Variants in IL1RAPL1 observed in about 807,000 individuals in gnomAD.
IL1RAPL1 encodes the protein interleukin-1 receptor accessory protein-like 1.
In IL1RAPL1, 3 loss-of-function variants were observed where a neutral mutation model predicts 48.4. The observed-to-expected ratio is 0.06, with a 90% CI of 0.03 to 0.16. The LOEUF is 0.16. Ranked by LOEUF, IL1RAPL1 falls within the 10% of genes least tolerant of loss-of-function variation. The probability of loss-of-function intolerance (pLI) is 1.00; values close to 1 mark genes in which losing one functional copy is unlikely to be tolerated. For missense variants in IL1RAPL1, 349 were observed against 530.6 expected, an observed-to-expected ratio of 0.66 and a Z score of 3.36; for synonymous variants, 185 against 187.7, an observed-to-expected ratio of 0.99 and a Z score of 0.12.
At chrX:28,899,141 A>C (rs751564570) in intron 2 of IL1RAPL1, among the ~76,000 whole-genome samples, 1 of 111,327 alleles carries the variant, frequency 9.0e-6, no homozygotes, top group South Asian at 3.8e-4. Context: ...TGAACACAGG[A>C]GGAACTACCA....
At chrX:29,449,691 TA>T in intron 5 of IL1RAPL1, among the ~76,000 whole-genome samples, 1 of 103,576 alleles carries the variant, frequency 9.7e-6, no homozygotes, top group East Asian at 3.0e-4. Context: ...TGAAGATCAA[TA>T]AAGAATGCTT....
At chrX:29,680,570 G>A (rs1383182353) in intron 6 of IL1RAPL1, among the ~76,000 whole-genome samples, 2 of 110,975 alleles carry the variant, frequency 1.8e-5, no homozygotes, top group African/African-American at 6.6e-5. Flanking sequence ...TGGGGAGGCT[G>A]GTAATGGGGC....
At position 29,877,936 on chromosome X, in the gene IL1RAPL1, T is replaced by C. The variant is rs1017187560; in HGVS notation, c.779-39528T>C. Among the ~76,000 whole-genome samples, 3 of 112,147 alleles carry C rather than the reference T, an allele frequency of 2.7e-5. No homozygotes were observed. The Admixed American group carries it at 2.8e-4, about 11-fold the overall frequency. On this transcript the variant is annotated intron_variant, in intron 6 of 10. Coordinates refer to ENST00000378993, the MANE Select transcript of IL1RAPL1 (RefSeq NM_014271.4). ...ATGTCAGCTCCAAGAAGACAGACAT[T>C]TTTGTCAATTTTTAATCATCAATGT... is the stretch of plus-strand genomic sequence containing the variant.
intron 3 of IL1RAPL1, among the ~76,000 whole-genome samples, chrX:29,329,692 AG>A (rs1162252951): frequency 1.8e-5 from 2 of 109,928 alleles, no homozygotes; most frequent in African/African-American, 6.6e-5. Context: ...ACACGCCTGT[AG>A]ACCCAGATAC....
intron 8 of IL1RAPL1, among the ~76,000 whole-genome samples, chrX:29,927,656 T>C (rs1204145056): frequency 8.9e-6 from 1 of 111,882 alleles, no homozygotes. Flanking sequence ...CTCAACGACA[T>C]ATATATGGAT....
chrX:28,727,472 G>A (rs978203683), intron 1 of IL1RAPL1, among the ~76,000 whole-genome samples: 19 of 106,238 alleles, frequency 1.8e-4, no homozygotes, highest in East Asian at 1.2e-3. Context: ...CAATCATGTC[G>A]TCTGCAAAGA....
chrX:29,715,908 G>T (rs888272066), intron 6 of IL1RAPL1, among the ~76,000 whole-genome samples: 1 of 111,852 alleles, frequency 8.9e-6, no homozygotes, highest in Non-Finnish European at 1.9e-5. Flanking sequence ...CCACCATTTG[G>T]TTCAAGGGTA....
At chrX:29,675,414 C>T (rs955234379) in intron 6 of IL1RAPL1, among the ~76,000 whole-genome samples, 4 of 111,762 alleles carry the variant, frequency 3.6e-5, no homozygotes, top group Non-Finnish European at 7.5e-5. Flanking sequence ...CTAGTCCCCA[C>T]GCTGGACACT....
At chrX:28,610,020 C>T (rs1025200454) in intron 1 of IL1RAPL1, among the ~76,000 whole-genome samples, 4 of 111,431 alleles carry the variant, frequency 3.6e-5, no homozygotes, top group Non-Finnish European at 5.7e-5. Flanking sequence ...ACTGAATGAA[C>T]GGATCTTCAC....
Position 29,500,650 on chromosome X carries a change from G to A in IL1RAPL1, c.703+101342G>A, listed in dbSNP as rs774837752. Among the ~76,000 whole-genome samples the A allele has an allele frequency of 4.5e-5, 5 of 111,908 alleles. No homozygotes were observed. The South Asian group carries it at 1.8e-3, about 41-fold the overall frequency. On this transcript the variant is annotated intron_variant, in intron 5 of 10. Coordinates refer to ENST00000378993, the MANE Select transcript of IL1RAPL1 (RefSeq NM_014271.4). ...TATATAATATGTACACACAATACATGGCTGAATAATATTTCATTATATTAT... is the reference window on the plus strand; with the variant it reads ...TATATAATATGTACACACAATACATAGCTGAATAATATTTCATTATATTAT...
At chrX:28,625,549 C>T (rs1231104375) in intron 1 of IL1RAPL1, among the ~76,000 whole-genome samples, 5 of 111,925 alleles carry the variant, frequency 4.5e-5, no homozygotes, top group East Asian at 2.8e-4. Context: ...TGTTGTTCTT[C>T]GGAAGCAATC....
At chrX:29,690,255 A>T (rs2147110553) in intron 6 of IL1RAPL1, among the ~76,000 whole-genome samples, 1 of 112,109 alleles carries the variant, frequency 8.9e-6, no homozygotes, top group South Asian at 3.7e-4. Flanking sequence ...ACGATAGTAC[A>T]TTCTGACAAG....
intron 6 of IL1RAPL1, among the ~76,000 whole-genome samples, chrX:29,857,846 CAA>C (rs1931503328): frequency 9.0e-6 from 1 of 111,731 alleles, no homozygotes; most frequent in African/African-American, 3.3e-5. Context: ...TATGAAGAGG[CAA>C]AGAGTATGGG....
intron 5 of IL1RAPL1, among the ~76,000 whole-genome samples, chrX:29,528,295 A>G (rs188956552): frequency 8.9e-6 from 1 of 112,725 alleles, no homozygotes; most frequent in Non-Finnish European, 1.9e-5. Context: ...TATAGTACAT[A>G]TACACAATAA....
intron 6 of IL1RAPL1, among the ~76,000 whole-genome samples, chrX:29,807,867 A>G (rs767192896): frequency 9.0e-6 from 1 of 111,457 alleles, no homozygotes; most frequent in South Asian, 3.7e-4. Flanking sequence ...ATAAATAATA[A>G]GAACACATAA....
intron 2 of IL1RAPL1, among the ~76,000 whole-genome samples, chrX:29,125,198 G>A (rs770822573): frequency 1.3e-4 from 14 of 111,891 alleles, no homozygotes; most frequent in Non-Finnish European, 1.9e-4. Context: ...GGTCCTCTGC[G>A]CCATTTCTAA....
intron 1 of IL1RAPL1, among the ~76,000 whole-genome samples, chrX:28,734,330 T>G (rs1020363784): frequency 9.0e-6 from 1 of 111,245 alleles, no homozygotes; most frequent in Admixed American, 9.6e-5. Context: ...CTTCCATGGA[T>G]TTATATAGTG....
At chrX:29,362,025 A>G (rs181733293) in intron 3 of IL1RAPL1, among the ~76,000 whole-genome samples, 1 of 112,330 alleles carries the variant, frequency 8.9e-6, no homozygotes, top group East Asian at 2.8e-4. Flanking sequence ...TATTATGTCA[A>G]CACTACATCT....
intron 2 of IL1RAPL1, among the ~76,000 whole-genome samples, chrX:29,182,111 C>G (rs186316785): frequency 1.2e-4 from 13 of 109,971 alleles, no homozygotes; most frequent in South Asian, 4.0e-4. Flanking sequence ...CTTGCCCCCC[C>G]CCACCCCATG....
Sources: allele counts gnomAD v4.1 joint callset (sites outside exome capture counted in the v4.1 genomes callset), GRCh38; gene constraint gnomAD v4.1.1; transcripts MANE v1.5; gene names NCBI Gene and HGNC (gene_info 2026-07-23, HGNC 2026-07-21).